Variants in PCNX2 observed in about 807,000 individuals in gnomAD.
PCNX2 encodes the protein pecanex-like protein 2.
PCNX2 carries 168 observed loss-of-function variants against 223.8 expected under a neutral mutation model. That is an observed-to-expected ratio of 0.75 (90% CI 0.66 to 0.85). PCNX2 has a LOEUF of 0.85. Among genes scored for constraint, PCNX2 ranks in the 40% least tolerant of loss-of-function variants. The pLI, the probability that PCNX2 is intolerant of heterozygous loss-of-function variation, is 0.00. For synonymous variants in PCNX2, 1,006 were observed against 1,052.6 expected, an observed-to-expected ratio of 0.96 and a Z score of 0.86; for missense variants, 2,507 against 2,675.5, an observed-to-expected ratio of 0.94 and a Z score of 1.39.
At chr1:233,270,579 A>G (rs1660589362) in intron 1 of PCNX2, among the ~76,000 whole-genome samples, 1 of 152,232 alleles carries the variant, frequency 6.6e-6, no homozygotes, top group Non-Finnish European at 1.5e-5. Flanking sequence ...GAATCAAAAC[A>G]TTTGACAGTT....
chr1:233,161,398 T>C, intron 17 of PCNX2, 35 bp from the exon 18 acceptor site: 1 of 1,553,940 alleles, frequency 6.4e-7, no homozygotes, highest in Non-Finnish European at 8.9e-7. Flanking sequence ...AGGCGACTCT[T>C]CATTTCTCTC....
rs1412994006 is a variant in PCNX2, at chr1:232,990,290, G to A, written c.5792-3750C>T. ...TGGGCTTGCTCTCCTTGGAACCTGG[G>A]CTACCTGCACACTGGGTCTCAGGTG... is the stretch of plus-strand genomic sequence containing the variant. On this transcript the variant is annotated intron_variant, in intron 32 of 33. Transcript: ENST00000258229. This position sits in a 1 kb window ranked among gnomAD's most constrained non-coding sequence, Gnocchi z 4.3. Among the ~76,000 whole-genome samples the A allele has an allele frequency of 2.6e-5, 4 of 152,206 alleles. No homozygotes were observed. The highest frequency in any genetic ancestry group is 5.9e-5 in the Non-Finnish European group (4 of 68,040).
At position 233,262,151 on chromosome 1, in the gene PCNX2, AT is replaced by A; in HGVS notation, c.373del (p.Ile125PhefsTer27). The A allele has an allele frequency of 6.2e-7, 1 of 1,613,786 alleles. No homozygotes were observed. The highest frequency in any genetic ancestry group is 1.3e-5 in the African/African-American group (1 of 75,034). Reference sequence around the variant, plus strand: ...GGCCTCTTCCTTTTTGCCATTGTGAATCTGCCTATTATTGCTAACCCAACAT... The same window carrying A: ...GGCCTCTTCCTTTTTGCCATTGTGAACTGCCTATTATTGCTAACCCAACAT... The part of the protein sequence containing the change: ...NHRNPSNNRQ[I>X]HNGKKEEASR... On this transcript the variant is annotated frameshift_variant, in exon 3 of 34. Transcript: ENST00000258229. LOFTEE classifies it high-confidence loss of function.
At chr1:233,234,779 G>A (rs1279311649) in intron 9 of PCNX2, among the ~76,000 whole-genome samples, 1 of 152,148 alleles carries the variant, frequency 6.6e-6, no homozygotes, top group Admixed American at 6.5e-5. Flanking sequence ...CTGGAGGGTG[G>A]TAGGGAGTTA....
Position 233,139,326 on chromosome 1 carries a change from G to C in PCNX2, c.3659+388C>G, listed in dbSNP as rs2102775072. Among the ~76,000 whole-genome samples the C allele has an allele frequency of 6.6e-6, 1 of 152,256 alleles. No homozygotes were observed. Among genetic ancestry groups the C allele is most frequent in the South Asian group, 2.1e-4 (1 of 4,824 alleles). On this transcript the variant is annotated intron_variant, in intron 20 of 33. Transcript: ENST00000258229. This position sits in a 1 kb window ranked among gnomAD's most constrained non-coding sequence, Gnocchi z 4.4. ...TTTCCCCCTCCCACAAGCACAAAAT[G>C]ATAGAGTATTTGCTAAATGAAATGA...
intron 23 of PCNX2, among the ~76,000 whole-genome samples, chr1:233,083,677 G>A (rs968871829): frequency 2.6e-5 from 4 of 152,168 alleles, no homozygotes; most frequent in East Asian, 1.9e-4. Context: ...CCATAAAACC[G>A]TGGGACTTAG....
chr1:233,284,636 T>C (rs1169012242), intron 1 of PCNX2, among the ~76,000 whole-genome samples: 1 of 152,194 alleles, frequency 6.6e-6, no homozygotes, highest in Non-Finnish European at 1.5e-5. Context: ...CTTGTTCTCC[T>C]GCTGCCTCCA....
chr1:233,302,840 A>G, the PCNX2 span, among the ~76,000 whole-genome samples: 1 of 152,128 alleles, frequency 6.6e-6, no homozygotes, highest in Non-Finnish European at 1.5e-5. Context: ...GCACTTCCTA[A>G]TAATCTATAT....
intron 1 of PCNX2, among the ~76,000 whole-genome samples, chr1:233,265,541 C>T (rs1309591541): frequency 6.6e-6 from 1 of 152,152 alleles, no homozygotes; most frequent in Non-Finnish European, 1.5e-5. Context: ...GATGATATGT[C>T]TATAAGATGA....
chr1:233,054,559 G>T (rs1672119001), intron 24 of PCNX2, 76 bp from the exon 25 acceptor site: 1 of 1,199,278 alleles, frequency 8.3e-7, no homozygotes, highest in Non-Finnish European at 1.2e-6. Flanking sequence ...ACAGTGAGTT[G>T]TCATCTGATT....
At chr1:233,247,469 T>C (rs540331380) in intron 8 of PCNX2, among the ~76,000 whole-genome samples, 1 of 152,172 alleles carries the variant, frequency 6.6e-6, no homozygotes, top group Non-Finnish European at 1.5e-5. Context: ...CTCTTCTTGT[T>C]TTTTGGTGTT....
At chr1:233,199,449 GTA>G (rs1468052132) in intron 14 of PCNX2, among the ~76,000 whole-genome samples, 1 of 150,470 alleles carries the variant, frequency 6.6e-6, no homozygotes, top group Non-Finnish European at 1.5e-5. Context: ...CCTATGTAGT[GTA>G]TGTGTGTGTG....
At position 232,986,115 on chromosome 1, in the gene PCNX2, T is replaced by C; in HGVS notation, c.6217A>G (p.Arg2073Gly). ...SVNIVMGPSA[R>G]AASQATRHLS... ...ACCCGAGTGGCCTGGCTGGCAGCCCTGGCTGAGGGGCCCATCACGATGTTG... is the reference window on the plus strand; with the variant it reads ...ACCCGAGTGGCCTGGCTGGCAGCCCCGGCTGAGGGGCCCATCACGATGTTG... The change falls in exon 33 of 34, where the codon AGG (arginine) becomes GGG (glycine). Residue 2073 changes from arginine to glycine, a missense_variant. Physicochemically the swap from Arg to Gly is moderately radical, Grantham distance 125 (BLOSUM62 -2). Coordinates refer to ENST00000258229, the MANE Select transcript of PCNX2 (RefSeq NM_014801.4). The C allele has an allele frequency of 1.3e-6, 2 of 1,566,366 alleles. No homozygotes were observed. The highest frequency in any genetic ancestry group is 1.7e-6 in the Non-Finnish European group (2 of 1,154,860).
At chr1:232,995,360 A>G (rs1424731121) in intron 32 of PCNX2, among the ~76,000 whole-genome samples, 1 of 152,214 alleles carries the variant, frequency 6.6e-6, no homozygotes, top group Non-Finnish European at 1.5e-5. Flanking sequence ...TTAGCCAGGC[A>G]TGCTCCTTTG....
chr1:233,141,697 A>G (rs972763189), intron 19 of PCNX2, among the ~76,000 whole-genome samples: 15 of 110,632 alleles, frequency 1.4e-4, no homozygotes, highest in South Asian at 1.2e-3. Context: ...ATATATATAT[A>G]TGTGTGTGTA....
At chr1:233,015,602 A>C (rs1338084075) in intron 27 of PCNX2, among the ~76,000 whole-genome samples, 1 of 152,170 alleles carries the variant, frequency 6.6e-6, no homozygotes, top group African/African-American at 2.4e-5. Flanking sequence ...CTGAGGCAGG[A>C]GAGTCGCTGG....
At chr1:233,244,326 T>C (rs1327525500) in intron 8 of PCNX2, among the ~76,000 whole-genome samples, 1 of 152,188 alleles carries the variant, frequency 6.6e-6, no homozygotes, top group East Asian at 1.9e-4. Context: ...AAACCTCTGA[T>C]TTCAAGGAAG....
intron 25 of PCNX2, among the ~76,000 whole-genome samples, chr1:233,051,370 T>C (rs1671998594): frequency 6.6e-6 from 1 of 152,168 alleles, no homozygotes; most frequent in African/African-American, 2.4e-5. Context: ...AAATAAATCG[T>C]TATACCAAAC....
At chr1:233,180,608 T>G (rs1169545202) in intron 15 of PCNX2, 1 of 152,184 alleles carries the variant, frequency 6.6e-6, no homozygotes, top group Non-Finnish European at 1.5e-5. Flanking sequence ...CCACTGTAAC[T>G]GCTAAAATAG....
Sources: gnomAD v4.1 joint callset for allele counts (sites outside exome capture counted in the v4.1 genomes callset) on GRCh38, gnomAD v4.1.1 for gene constraint, Gnocchi (gnomAD v3.1) non-coding constraint, MANE v1.5 for transcripts, NCBI Gene and HGNC (gene_info 2026-07-23, HGNC 2026-07-21) for gene names.